Variants in CHRNA5 observed in about 807,000 individuals in gnomAD.
The protein encoded by CHRNA5 is neuronal acetylcholine receptor subunit alpha-5.
A neutral mutation model predicts 41.2 loss-of-function variants in CHRNA5; 28 were observed. The ratio of observed to expected loss-of-function variants is 0.68; its 90% CI spans 0.50 to 0.93. The LOEUF (loss-of-function observed/expected upper bound fraction) is 0.93. Among genes scored for constraint, CHRNA5 ranks in the 40% least tolerant of loss-of-function variants. The probability of loss-of-function intolerance (pLI) is 0.00; values close to 1 mark genes in which losing one functional copy is unlikely to be tolerated. For missense variants in CHRNA5, 481 were observed against 581.9 expected (o/e 0.83, Z 1.78); for synonymous variants, 188 against 205.8 (o/e 0.91, Z 0.74).
chr15:78,594,128 C>T (rs1324901847), exon 6 of CHRNA5: 4 of 152,148 alleles, frequency 2.6e-5, no homozygotes, highest in African/African-American at 7.2e-5. Context: ...ATTGGGAACT[C>T]CTTTAAGGCT....
At chr15:78,576,764 A>C (rs1260921382) in intron 1 of CHRNA5, among the ~76,000 whole-genome samples, 3 of 149,818 alleles carry the variant, frequency 2.0e-5, no homozygotes, top group Non-Finnish European at 4.4e-5. Flanking sequence ...GCGCCATTGC[A>C]CTCCAGTCTG....
intron 1 of CHRNA5, among the ~76,000 whole-genome samples, chr15:78,571,223 G>A (rs28452652): frequency 2.0e-5 from 3 of 152,318 alleles, no homozygotes; most frequent in South Asian, 2.1e-4. Context: ...AAGGGAAGCC[G>A]ATGAAAGTAA....
At chr15:78,582,983 G>A (rs1366404866) in intron 2 of CHRNA5, among the ~76,000 whole-genome samples, 1 of 152,022 alleles carries the variant, frequency 6.6e-6, no homozygotes, top group Non-Finnish European at 1.5e-5. Context: ...CAGACCCTTT[G>A]TGAAATCTTT....
intron 1 of CHRNA5, among the ~76,000 whole-genome samples, chr15:78,573,772 C>T (rs1048385988): frequency 6.6e-6 from 1 of 151,382 alleles, no homozygotes; most frequent in African/African-American, 2.4e-5. Flanking sequence ...CAGAGCAAAG[C>T]ACTATCAAAT....
chr15:78,586,179 C>T (rs1302726556), intron 2 of CHRNA5, among the ~76,000 whole-genome samples: 5 of 152,146 alleles, frequency 3.3e-5, no homozygotes, highest in African/African-American at 9.7e-5. Flanking sequence ...AGATGTCCCT[C>T]AGGGATGTAC....
chr15:78,578,295 G>T (rs1486954459), intron 1 of CHRNA5, among the ~76,000 whole-genome samples: 1 of 152,086 alleles, frequency 6.6e-6, no homozygotes, highest in East Asian at 1.9e-4. Flanking sequence ...ATCACCTAAG[G>T]TCAGGAGTTC....
At chr15:78,578,346 A>G (rs1255473964) in intron 1 of CHRNA5, among the ~76,000 whole-genome samples, 1 of 152,074 alleles carries the variant, frequency 6.6e-6, no homozygotes, top group Non-Finnish European at 1.5e-5. Context: ...CATCTCTACT[A>G]AAAATACAAA....
intron 2 of CHRNA5, among the ~76,000 whole-genome samples, chr15:78,585,791 C>CTTTTTTTTTTTTTTTTT (rs752254237): frequency 1.5e-5 from 2 of 130,612 alleles, no homozygotes; most frequent in African/African-American, 2.9e-5. Context: ...TCTTTTCTTT[C>CTTTTTTTTTTTTTTTTT]TTTTTTTTTT....
intron 4 of CHRNA5, chr15:78,589,572 G>C: frequency 2.3e-6 from 1 of 442,616 alleles, no homozygotes; most frequent in East Asian, 3.6e-5. Context: ...AAATTTGTCA[G>C]TTCTGGAGTA....
intron 2 of CHRNA5, among the ~76,000 whole-genome samples, chr15:78,584,752 T>C (rs879122923): frequency 2.0e-5 from 3 of 152,228 alleles, no homozygotes; most frequent in Admixed American, 6.5e-5. Flanking sequence ...ACCAGAACTT[T>C]CCTAATTATA....
chr15:78,577,963 TTTATC>T (rs1448027213), intron 1 of CHRNA5, among the ~76,000 whole-genome samples: 1 of 78,466 alleles, frequency 1.3e-5, no homozygotes, highest in African/African-American at 4.7e-5. Context: ...TATTAATACT[TTTATC>T]TTTTAACCCT....
At chr15:78,571,234 T>TTA (rs1434378652) in intron 1 of CHRNA5, among the ~76,000 whole-genome samples, 7 of 152,210 alleles carry the variant, frequency 4.6e-5, no homozygotes, top group Admixed American at 1.3e-4. Flanking sequence ...ATGAAAGTAA[T>TTA]TATGGAAATA....
At chr15:78,578,113 T>A (rs2052875471) in intron 1 of CHRNA5, among the ~76,000 whole-genome samples, 1 of 152,324 alleles carries the variant, frequency 6.6e-6, no homozygotes, top group African/African-American at 2.4e-5. Context: ...ATTTTCTAAA[T>A]TAATCTAAAT....
exon 1 of CHRNA5, chr15:78,565,615 G>A: frequency 3.7e-6 from 1 of 272,824 alleles, no homozygotes; most frequent in Middle Eastern, 5.5e-4. Flanking sequence ...GTCTGCCCTC[G>A]TTTTGTCTCA....
chr15:78,574,612 A>G (rs2052840425), intron 1 of CHRNA5, among the ~76,000 whole-genome samples: 1 of 152,182 alleles, frequency 6.6e-6, no homozygotes, highest in Non-Finnish European at 1.5e-5. Flanking sequence ...AAAGTAATGA[A>G]TCAAAAAGTC....
chr15:78,572,903 G>T (rs1414058854), intron 1 of CHRNA5, among the ~76,000 whole-genome samples: 1 of 152,226 alleles, frequency 6.6e-6, no homozygotes, highest in East Asian at 1.9e-4. Context: ...ACCCTTGGAA[G>T]GAAGGCGAAG....
In CHRNA5 at chr15:78,588,180, G is replaced by C; in HGVS notation, c.304-134G>C. The C allele has an allele frequency of 2.1e-6, 1 of 485,472 alleles. No homozygotes were observed. Among genetic ancestry groups the C allele is most frequent in the Non-Finnish European group, 3.7e-6 (1 of 272,228 alleles). 30.1% of individuals were successfully genotyped at this position (485,472 alleles called of 1,614,324 possible). ...GTTATCTGGTGCCCATAATAAGAAA[G>C]ACAGGGAGGTGTTCTCTATTGGGGG... On this transcript the variant is annotated intron_variant, in intron 3 of 5. Transcript: ENST00000299565. This position sits in a 1 kb window ranked among gnomAD's most constrained non-coding sequence, Gnocchi z 4.1.
At chr15:78,571,146 C>T (rs912556748) in intron 1 of CHRNA5, among the ~76,000 whole-genome samples, 5 of 152,168 alleles carry the variant, frequency 3.3e-5, no homozygotes, top group African/African-American at 1.2e-4. Flanking sequence ...TACTGTTGGT[C>T]AGTGTATCAC....
intron 1 of CHRNA5, among the ~76,000 whole-genome samples, chr15:78,569,230 T>C (rs1438575135): frequency 2.6e-5 from 4 of 152,210 alleles, no homozygotes; most frequent in African/African-American, 7.2e-5. Context: ...CTGAGCTTTT[T>C]TTCAACCTAT....
Sources: gnomAD v4.1 joint callset for allele counts (sites outside exome capture counted in the v4.1 genomes callset) on GRCh38, gnomAD v4.1.1 for gene constraint, Gnocchi (gnomAD v3.1) non-coding constraint, MANE v1.5 for transcripts, NCBI Gene and HGNC (gene_info 2026-07-23, HGNC 2026-07-21) for gene names.